Variants in PRICKLE1 observed in about 807,000 individuals in gnomAD.
PRICKLE1 encodes the protein prickle-like protein 1.
Under a neutral mutation model 70.2 loss-of-function variants are expected in PRICKLE1, and 14 were observed. That is an observed-to-expected ratio of 0.20 (90% CI 0.13 to 0.31). The LOEUF is 0.31. Among genes scored for constraint, PRICKLE1 ranks in the 10% least tolerant of loss-of-function variants. PRICKLE1 has a pLI of 1.00. For missense variants in PRICKLE1, 821 were observed against 1,026.2 expected, an observed-to-expected ratio of 0.80 and a Z score of 2.73; for synonymous variants, 357 against 379.9, an observed-to-expected ratio of 0.94 and a Z score of 0.70.
At chr12:42,472,687 T>G in intron 1 of PRICKLE1, 123 bp from the exon 2 acceptor site, 1 of 792,938 alleles carries the variant, frequency 1.3e-6, no homozygotes, top group South Asian at 1.7e-5. Flanking sequence ...GTAACCAAAT[T>G]ACTACTGTCA....
chr12:42,570,193 C>T (rs1361424943), intron 1 of PRICKLE1, among the ~76,000 whole-genome samples: 1 of 152,218 alleles, frequency 6.6e-6, no homozygotes, highest in African/African-American at 2.4e-5. Flanking sequence ...TTAAGTTTCA[C>T]TGTGCACTGT....
chr12:42,498,684 T>A (rs886365652), intron 1 of PRICKLE1, among the ~76,000 whole-genome samples: 1 of 152,224 alleles, frequency 6.6e-6, no homozygotes, highest in African/African-American at 2.4e-5. Context: ...AAATTAAGAC[T>A]CTTTACAAAG....
chr12:42,568,289 C>A (rs1003885982), intron 1 of PRICKLE1, among the ~76,000 whole-genome samples: 1 of 151,440 alleles, frequency 6.6e-6, no homozygotes, highest in Non-Finnish European at 1.5e-5. Context: ...ATCCTCCCAC[C>A]TCAGCCTCCC....
intron 1 of PRICKLE1, among the ~76,000 whole-genome samples, chr12:42,549,849 T>C (rs1232646079): frequency 6.6e-6 from 1 of 152,234 alleles, no homozygotes; most frequent in Non-Finnish European, 1.5e-5. Flanking sequence ...GAAATTTGCA[T>C]TCTGGCAACA....
At chr12:42,505,602 A>G (rs1939394335) in intron 1 of PRICKLE1, among the ~76,000 whole-genome samples, 1 of 151,964 alleles carries the variant, frequency 6.6e-6, no homozygotes, top group Non-Finnish European at 1.5e-5. Context: ...TGTCCAGCTA[A>G]TTTTTGTATT....
At chr12:42,479,349 T>G (rs1204185912) in intron 1 of PRICKLE1, among the ~76,000 whole-genome samples, 1 of 152,250 alleles carries the variant, frequency 6.6e-6, no homozygotes, top group African/African-American at 2.4e-5. Flanking sequence ...GGTAGCAGCT[T>G]CTAACCAGTC....
intron 5 of PRICKLE1, among the ~76,000 whole-genome samples, chr12:42,467,858 T>C (rs1052847342): frequency 1.6e-4 from 25 of 152,146 alleles, no homozygotes; most frequent in African/African-American, 5.8e-4. Context: ...TTTATTGTCA[T>C]AGATTGAAGG....
intron 1 of PRICKLE1, among the ~76,000 whole-genome samples, chr12:42,479,448 A>C (rs1225569204): frequency 6.6e-6 from 1 of 152,248 alleles, no homozygotes; most frequent in Non-Finnish European, 1.5e-5. Context: ...GGAGCATGAC[A>C]GTTTTTCTAG....
chr12:42,529,617 C>T (rs941748357), intron 1 of PRICKLE1, among the ~76,000 whole-genome samples: 2 of 152,140 alleles, frequency 1.3e-5, no homozygotes, highest in African/African-American at 4.8e-5. Context: ...TTAAGAAGGC[C>T]GGTGCAGTGG....
At chr12:42,551,689 C>G (rs1038931777) in intron 1 of PRICKLE1, among the ~76,000 whole-genome samples, 1 of 152,168 alleles carries the variant, frequency 6.6e-6, no homozygotes, top group Non-Finnish European at 1.5e-5. Context: ...GGTTTCTTCT[C>G]CCTGTGTGTG....
chr12:42,461,765 A>G (rs1937845004), intron 7 of PRICKLE1, among the ~76,000 whole-genome samples: 1 of 152,222 alleles, frequency 6.6e-6, no homozygotes. Context: ...CTATAGACAA[A>G]GTGATACTGT....
At chr12:42,533,215 T>TC (rs1555237040) in intron 1 of PRICKLE1, among the ~76,000 whole-genome samples, 1 of 101,996 alleles carries the variant, frequency 9.8e-6, no homozygotes, top group African/African-American at 3.5e-5. Flanking sequence ...TTTTTCTTCT[T>TC]TTTTTTTTTT....
At chr12:42,530,893 A>G (rs183627058) in intron 1 of PRICKLE1, among the ~76,000 whole-genome samples, 67 of 150,804 alleles carry the variant, frequency 4.4e-4, no homozygotes, top group Admixed American at 3.7e-3. Context: ...CTGGTCTCGA[A>G]CTTCTGGCAT....
In PRICKLE1 at chr12:42,460,265, C is replaced by A; in HGVS notation, c.2040G>T (p.Lys680Asn). ...GATTCAGGGCATTGTCGGAGCGGGA[C>A]TTTCTACTTCTCCGGCGGCGGTGGT... The part of the protein sequence containing the change: ...SHHHRRRRSR[K>N]SRSDNALNLV... The change falls in exon 8 of 8, where the codon AAG becomes AAT. Residue 680 changes from lysine (K) to asparagine (N), a missense_variant. Physicochemically the swap from Lys to Asn is moderately conservative, Grantham distance 94. Transcript: ENST00000345127. 6.2e-7 allele frequency: 1 copy of A among 1,614,152 alleles called. No homozygotes were observed. Among genetic ancestry groups the A allele is most frequent in the South Asian group, 1.1e-5 (1 of 91,076 alleles).
intron 1 of PRICKLE1, among the ~76,000 whole-genome samples, chr12:42,478,303 A>G (rs1669923): frequency 0.92 from 139,359 of 152,264 alleles, 64,294 homozygotes; most frequent in Non-Finnish European, 0.98. Flanking sequence ...TGCATTAACC[A>G]ATCCTGTGCT....
chr12:42,587,396 T>C (rs998769695), intron 1 of PRICKLE1, among the ~76,000 whole-genome samples: 1 of 152,190 alleles, frequency 6.6e-6, no homozygotes, highest in African/African-American at 2.4e-5. Context: ...GAATGAATCA[T>C]ACTACATTAG....
intron 5 of PRICKLE1, 65 bp from the exon 6 acceptor site, chr12:42,466,445 G>A (rs1938101193): frequency 7.0e-7 from 1 of 1,428,386 alleles, no homozygotes; most frequent in Admixed American, 1.7e-5. Context: ...TAAAGGCCAA[G>A]TAACTGCATG....
At chr12:42,526,851 A>ATGG (rs1212607911) in intron 1 of PRICKLE1, among the ~76,000 whole-genome samples, 4 of 152,182 alleles carry the variant, frequency 2.6e-5, no homozygotes, top group African/African-American at 7.2e-5. Context: ...GATGATGATG[A>ATGG]TGATGTCTCT....
intron 1 of PRICKLE1, among the ~76,000 whole-genome samples, chr12:42,578,743 T>TTTTTTTTATTTATTTATTTA (rs1555241839): frequency 6.8e-6 from 1 of 146,184 alleles, no homozygotes; most frequent in Non-Finnish European, 1.5e-5. Flanking sequence ...GTTTATTTCA[T>TTTTTTTTATTTATTTATTTA]TTTATTTATT....
Sources: allele counts gnomAD v4.1 joint callset (sites outside exome capture counted in the v4.1 genomes callset), GRCh38; gene constraint gnomAD v4.1.1; transcripts MANE v1.5; gene names NCBI Gene and HGNC (gene_info 2026-07-23, HGNC 2026-07-21).